Variants in SLC6A15 observed in about 807,000 individuals in gnomAD.
SLC6A15 encodes sodium-dependent neutral amino acid transporter B(0)AT2.
SLC6A15 carries 33 observed loss-of-function variants against 68.5 expected under a neutral mutation model. The ratio of observed to expected loss-of-function variants is 0.48; its 90% CI spans 0.37 to 0.64. The LOEUF (loss-of-function observed/expected upper bound fraction) is 0.64. SLC6A15 is among the 30% of genes least tolerant of loss of function. SLC6A15 has a pLI of 0.00. For synonymous variants in SLC6A15, 347 were observed against 301.0 expected (o/e 1.15, Z -1.58); for missense variants, 747 against 874.3 (o/e 0.85, Z 1.84).
At chr12:84,900,532 G>A (rs1022509628) in intron 1 of SLC6A15, among the ~76,000 whole-genome samples, 4 of 150,558 alleles carry the variant, frequency 2.7e-5, no homozygotes, top group African/African-American at 4.9e-5. Flanking sequence ...TTTATGTCTC[G>A]GTGTTATTTG....
Position 84,872,813 on chromosome 12 carries a change from T to C in SLC6A15, c.1110-19A>G. ...TGAATTTCTGAAAAATAAAACAACA[T>C]ACAAATGAGCACATAAGAGTTCTTT... On this transcript the variant is annotated intron_variant, in intron 7 of 11. Coordinates refer to ENST00000266682, the MANE Select transcript of SLC6A15 (RefSeq NM_182767.6). The C allele has an allele frequency of 1.3e-6, 2 of 1,579,540 alleles. No individual in the cohort carries two copies. Among genetic ancestry groups the C allele is most frequent in the East Asian group, 2.2e-5 (1 of 44,614 alleles).
intron 2 of SLC6A15, among the ~76,000 whole-genome samples, chr12:84,891,176 A>T (rs2120672068): frequency 6.6e-6 from 1 of 152,280 alleles, no homozygotes; most frequent in South Asian, 2.1e-4. Flanking sequence ...GTTGCAGATA[A>T]TTTTGTTTAA....
intron 7 of SLC6A15, 87 bp downstream of exon 7, chr12:84,873,000 A>G (rs1313553779): frequency 6.9e-7 from 1 of 1,451,648 alleles, no homozygotes; most frequent in African/African-American, 1.4e-5. Context: ...GTATCTCATA[A>G]ATATGTATAG....
intron 1 of SLC6A15, among the ~76,000 whole-genome samples, chr12:84,895,111 T>C (rs1157461102): frequency 6.6e-6 from 1 of 151,946 alleles, no homozygotes; most frequent in African/African-American, 2.4e-5. Flanking sequence ...CTGGGGTGGT[T>C]GTAGGAAGAT....
At chr12:84,887,090 A>G (rs2120652235) in intron 2 of SLC6A15, among the ~76,000 whole-genome samples, 1 of 152,318 alleles carries the variant, frequency 6.6e-6, no homozygotes, top group Non-Finnish European at 1.5e-5. Context: ...ACATGAGGCT[A>G]CATGTGCAAA....
chr12:84,873,082 C>T lies in SLC6A15; in HGVS notation c.1109+5G>A, dbSNP rs201594341. 1.2e-6 allele frequency: 2 copies of T among 1,611,950 alleles called. No individual in the cohort carries two copies. Among genetic ancestry groups the T allele is most frequent in the African/African-American group, 2.7e-5 (2 of 74,882 alleles). On this transcript the variant is annotated splice_donor_5th_base_variant and intron_variant, in intron 7 of 11. Coordinates refer to ENST00000266682, the MANE Select transcript of SLC6A15 (RefSeq NM_182767.6). ...AAAAAGGCAAATGGAAATTAATATT[C>T]ATACTGTGTAATGCATTTCTCATTT...
At chr12:84,876,151 G>A (rs1432344037) in intron 6 of SLC6A15, among the ~76,000 whole-genome samples, 1 of 151,368 alleles carries the variant, frequency 6.6e-6, no homozygotes, top group Non-Finnish European at 1.5e-5. Context: ...ACACAAAAAG[G>A]TTAAAAACCA....
chr12:84,893,730 C>T (rs1382820003), intron 1 of SLC6A15, among the ~76,000 whole-genome samples: 2 of 152,004 alleles, frequency 1.3e-5, no homozygotes, highest in African/African-American at 4.8e-5. Context: ...TGTTGGGTAA[C>T]CCAGTGGAAA....
At chr12:84,886,124 T>A in intron 2 of SLC6A15, 56 bp from the exon 3 acceptor site, 1 of 1,202,440 alleles carries the variant, frequency 8.3e-7, no homozygotes, top group Non-Finnish European at 1.2e-6. Flanking sequence ...GAAAATACAC[T>A]AGTTCAGTTT....
At chr12:84,896,551 A>G (rs1414560135) in intron 1 of SLC6A15, among the ~76,000 whole-genome samples, 2 of 152,206 alleles carry the variant, frequency 1.3e-5, no homozygotes, top group African/African-American at 4.8e-5. Context: ...TAAATTGAAA[A>G]TGTGGAGTTC....
chr12:84,902,864 T>G (rs969389356), intron 1 of SLC6A15, among the ~76,000 whole-genome samples: 3 of 152,090 alleles, frequency 2.0e-5, no homozygotes, highest in Non-Finnish European at 2.9e-5. Context: ...TAAATGGGTG[T>G]GCTTATAAAA....
intron 1 of SLC6A15, among the ~76,000 whole-genome samples, chr12:84,898,505 A>T (rs1872724154): frequency 6.6e-6 from 1 of 152,208 alleles, no homozygotes; most frequent in Admixed American, 6.5e-5. Flanking sequence ...ATATTTATAC[A>T]TAGATTTTAG....
intron 2 of SLC6A15, among the ~76,000 whole-genome samples, chr12:84,887,864 G>C (rs1872189880): frequency 6.6e-6 from 1 of 151,894 alleles, no homozygotes; most frequent in Non-Finnish European, 1.5e-5. Context: ...ACTGAAAGTA[G>C]ATCTACATTC....
chr12:84,874,437 G>A (rs867130913), intron 6 of SLC6A15: 1 of 152,126 alleles, frequency 6.6e-6, no homozygotes, highest in Admixed American at 6.5e-5. Context: ...AACAACCCAC[G>A]AAGTTGTTGC....
At chr12:84,877,979 A>C (rs931069618) in intron 5 of SLC6A15, among the ~76,000 whole-genome samples, 1 of 152,198 alleles carries the variant, frequency 6.6e-6, no homozygotes, top group African/African-American at 2.4e-5. Context: ...GAATGGAAGG[A>C]GAATTGGAAC....
At chr12:84,884,161 A>T (rs919609290) in intron 4 of SLC6A15, 121 bp from the exon 5 acceptor site, 5 of 720,254 alleles carry the variant, frequency 6.9e-6, no homozygotes, top group Non-Finnish European at 1.1e-5. Context: ...ACCATTGTAT[A>T]GCAGCATGTA....
At chr12:84,905,882 C>T (rs61929980) in intron 1 of SLC6A15, among the ~76,000 whole-genome samples, 18,599 of 152,206 alleles carry the variant, frequency 0.12, 1,245 homozygotes, top group South Asian at 0.26. Context: ...CCTGTGTTGG[C>T]CTTTTTTAAC....
intron 1 of SLC6A15, among the ~76,000 whole-genome samples, chr12:84,906,156 A>G (rs1482287658): frequency 6.6e-6 from 1 of 152,208 alleles, no homozygotes; most frequent in Non-Finnish European, 1.5e-5. Context: ...GTTACCAATA[A>G]ACAAGTGAAC....
At chr12:84,872,472 A>G in intron 8 of SLC6A15, 130 bp downstream of exon 8, 1 of 575,708 alleles carries the variant, frequency 1.7e-6, no homozygotes, top group Non-Finnish European at 2.9e-6. Context: ...TATAATGCCC[A>G]GGAGCTTCTC....
Sources: gnomAD v4.1 joint callset for allele counts (sites outside exome capture counted in the v4.1 genomes callset) on GRCh38, gnomAD v4.1.1 for gene constraint, MANE v1.5 for transcripts, NCBI Gene and HGNC (gene_info 2026-07-23, HGNC 2026-07-21) for gene names.